Variants in CORO2B observed in about 807,000 individuals in gnomAD.
CORO2B encodes the protein coronin-2B.
In CORO2B, 26 loss-of-function variants were observed where a neutral mutation model predicts 58.8. The ratio of observed to expected loss-of-function variants is 0.44; its 90% CI spans 0.32 to 0.61. CORO2B has a LOEUF of 0.61. Ranked by LOEUF, CORO2B falls within the 20% of genes least tolerant of loss-of-function variation. The pLI is 0.04. For missense variants in CORO2B, 460 were observed against 645.1 expected (o/e 0.71, Z 3.11); for synonymous variants, 242 against 253.8 (o/e 0.95, Z 0.44).
At chr15:68,690,332 T>G (rs1212458748) in intron 2 of CORO2B, among the ~76,000 whole-genome samples, 1 of 152,176 alleles carries the variant, frequency 6.6e-6, no homozygotes, top group African/African-American at 2.4e-5. Context: ...ACCCCTGCAT[T>G]TCCTACTCTG....
chr15:68,579,200 C>G lies in CORO2B; in HGVS notation c.-63C>G. 1 of 990,444 alleles carries G rather than the reference C, an allele frequency of 1.0e-6. No homozygotes were observed. Among genetic ancestry groups the G allele is most frequent in the Non-Finnish European group, 1.2e-6 (1 of 834,028 alleles). 61.4% of individuals were successfully genotyped at this position (990,444 alleles called of 1,614,324 possible). ...GCCGGACCCCCTTCCGCCGCCGCCC[C>G]GGGCCGCCGCCGCCGCCCCCGCACG... is the stretch of plus-strand genomic sequence containing the variant. On this transcript the variant is annotated 5_prime_UTR_variant, in exon 1 of 12. Coordinates refer to ENST00000261861, the MANE Select transcript of CORO2B (RefSeq NM_006091.5).
At chr15:68,616,532 G>A in intron 1 of CORO2B, 1 of 985,448 alleles carries the variant, frequency 1.0e-6, no homozygotes, top group Non-Finnish European at 1.2e-6. Context: ...CAGCTGCCCT[G>A]GATCCAGATT....
the CORO2B span, among the ~76,000 whole-genome samples, chr15:68,555,226 G>A: frequency 6.6e-6 from 1 of 152,166 alleles, no homozygotes; most frequent in Admixed American, 6.5e-5. Flanking sequence ...GAGTCCTGAT[G>A]GAGGCATGGC....
chr15:68,532,134 G>T, the CORO2B span, among the ~76,000 whole-genome samples: 106 of 152,044 alleles, frequency 7.0e-4, no homozygotes, highest in Non-Finnish European at 1.3e-3. Context: ...TACCTTTGGG[G>T]TTTTTTGTTT....
Position 68,587,852 on chromosome 15 carries a change from C to T in CORO2B, c.15+8575C>T, listed in dbSNP as rs1047019830. ...AGCCAGTCAGGGACTCAGCCTGCCT[C>T]GCAGGCCTTCTGTCTTGCCACTTTG... On this transcript the variant is annotated intron_variant, in intron 1 of 11. Transcript: ENST00000261861. Among the ~76,000 whole-genome samples, 8 of 152,182 alleles carry T rather than the reference C, an allele frequency of 5.3e-5. No homozygotes were observed. In the South Asian group the frequency reaches 6.2e-4, roughly 12 times the overall value.
At chr15:68,560,397 C>T in the CORO2B span, among the ~76,000 whole-genome samples, 2 of 151,794 alleles carry the variant, frequency 1.3e-5, no homozygotes, top group African/African-American at 2.4e-5. Context: ...TGGGCTCAAG[C>T]GATCCTCCCA....
chr15:68,621,050 G>A (rs558118047), intron 1 of CORO2B, among the ~76,000 whole-genome samples: 4 of 152,212 alleles, frequency 2.6e-5, no homozygotes, highest in Non-Finnish European at 5.9e-5. Context: ...TGATTAACGG[G>A]TGTGTTACTC....
chr15:68,572,443 A>C, the CORO2B span, among the ~76,000 whole-genome samples: 1 of 152,090 alleles, frequency 6.6e-6, no homozygotes, highest in African/African-American at 2.4e-5. Context: ...AAATTTGGCT[A>C]TGTTGTTCAG....
At chr15:68,565,488 A>G in the CORO2B span, among the ~76,000 whole-genome samples, 12 of 151,552 alleles carry the variant, frequency 7.9e-5, no homozygotes, top group Admixed American at 3.9e-4. Flanking sequence ...GCAAATATAT[A>G]TATTCATGTG....
intron 3 of CORO2B, among the ~76,000 whole-genome samples, chr15:68,709,546 G>A (rs971956512): frequency 3.6e-4 from 52 of 144,978 alleles, no homozygotes; most frequent in Middle Eastern, 3.6e-3. Context: ...TAACCTCCGC[G>A]CCTGGCCTCA....
chr15:68,726,357 C>T lies in CORO2B; in HGVS notation c.*383C>T, dbSNP rs1164688802. ...ACTTTTCCCCTGTGAAGGGGGCTGCCAGGACATCTCAGCACTCCCGCCTGG... is the reference window on the plus strand; with the variant it reads ...ACTTTTCCCCTGTGAAGGGGGCTGCTAGGACATCTCAGCACTCCCGCCTGG... On this transcript the variant is annotated 3_prime_UTR_variant, in exon 12 of 12. Transcript: ENST00000261861. The T allele has an allele frequency of 3.5e-6, 1 of 287,046 alleles. No individual in the cohort carries two copies. 17.8% of individuals were successfully genotyped at this position (287,046 alleles called of 1,614,324 possible).
At chr15:68,577,237 A>G (rs1377099518), upstream of CORO2B, among the ~76,000 whole-genome samples, 1 of 152,142 alleles carries the variant, frequency 6.6e-6, no homozygotes, top group Non-Finnish European at 1.5e-5. Context: ...GTAGGAATGG[A>G]CCCTGCAGTT....
At chr15:68,656,889 TG>T (rs1425952422) in intron 2 of CORO2B, among the ~76,000 whole-genome samples, 1 of 152,294 alleles carries the variant, frequency 6.6e-6, no homozygotes, top group African/African-American at 2.4e-5. Flanking sequence ...GGAAGGTGCC[TG>T]GCTCAGGGCA....
intron 1 of CORO2B, among the ~76,000 whole-genome samples, chr15:68,611,705 A>G (rs566725626): frequency 6.6e-6 from 1 of 151,992 alleles, no homozygotes; most frequent in Non-Finnish European, 1.5e-5. Flanking sequence ...AGTTTATTTT[A>G]TGAACATAAA....
intron 9 of CORO2B, 50 bp downstream of exon 9, chr15:68,718,860 A>G (rs1021978312): frequency 6.8e-7 from 1 of 1,463,114 alleles, no homozygotes; most frequent in Non-Finnish European, 9.6e-7. Flanking sequence ...ATCGCCTCTT[A>G]GCCTGCTCAC....
At chr15:68,566,889 G>T in the CORO2B span, among the ~76,000 whole-genome samples, 1 of 152,162 alleles carries the variant, frequency 6.6e-6, no homozygotes, top group African/African-American at 2.4e-5. Flanking sequence ...TACACAACTC[G>T]TTGGGGTTTG....
intron 2 of CORO2B, among the ~76,000 whole-genome samples, chr15:68,652,318 C>T (rs546345287): frequency 3.3e-4 from 51 of 152,286 alleles, no homozygotes; most frequent in South Asian, 3.1e-3. Context: ...GCAATCAGCA[C>T]CCTGATTGCC....
intron 1 of CORO2B, among the ~76,000 whole-genome samples, chr15:68,583,455 C>G (rs1476940720): frequency 6.6e-6 from 1 of 152,156 alleles, no homozygotes; most frequent in Admixed American, 6.5e-5. Flanking sequence ...GCAAGGGGTC[C>G]TGGGGCATTC....
At chr15:68,688,207 G>GT (rs530377454) in intron 2 of CORO2B, among the ~76,000 whole-genome samples, 123 of 152,200 alleles carry the variant, frequency 8.1e-4, no homozygotes, top group African/African-American at 2.9e-3. Flanking sequence ...AATAATATCT[G>GT]TTTTTTTAAT....
Sources: gnomAD v4.1 joint callset for allele counts (sites outside exome capture counted in the v4.1 genomes callset) on GRCh38, gnomAD v4.1.1 for gene constraint, MANE v1.5 for transcripts, NCBI Gene and HGNC (gene_info 2026-07-23, HGNC 2026-07-21) for gene names.